Variants in FBLN7 observed in about 807,000 individuals in gnomAD.
FBLN7 encodes fibulin 7.
Under a neutral mutation model 44.0 loss-of-function variants are expected in FBLN7, and 31 were observed. The observed-to-expected ratio is 0.70, with a 90% CI of 0.53 to 0.95. The LOEUF is 0.95. Among genes scored for constraint, FBLN7 ranks in the 40% least tolerant of loss-of-function variants. FBLN7 has a pLI of 0.00. For missense variants in FBLN7, 573 were observed against 618.5 expected (o/e 0.93, Z 0.78); for synonymous variants, 262 against 253.4 (o/e 1.03, Z -0.32).
chr2:112,201,498 G>C, the FBLN7 span, among the ~76,000 whole-genome samples: 1 of 152,228 alleles, frequency 6.6e-6, no homozygotes, highest in African/African-American at 2.4e-5. Context: ...TATTTGAAAA[G>C]TCAAGGGCAT....
At chr2:112,214,613 T>TGGACGAATGGCTCTTG in the FBLN7 span, 5 of 152,182 alleles carry the variant, frequency 3.3e-5, no homozygotes, top group Non-Finnish European at 5.9e-5. Flanking sequence ...TAGAGTACTT[T>TGGACGAATGGCTCTTG]GGACGAATGG....
chr2:112,143,419 G>C (rs1302797661), intron 1 of FBLN7, among the ~76,000 whole-genome samples: 1 of 152,184 alleles, frequency 6.6e-6, no homozygotes, highest in South Asian at 2.1e-4. Context: ...TTCCCTCCCT[G>C]ACCCTCTCCC....
chr2:112,189,736 A>G (rs1245986895), downstream of FBLN7: 1 of 152,204 alleles, frequency 6.6e-6, no homozygotes, highest in African/African-American at 2.4e-5. Context: ...CAATGAACAC[A>G]TGGCCAACTT....
chr2:112,206,734 T>G, the FBLN7 span, among the ~76,000 whole-genome samples: 1 of 92,620 alleles, frequency 1.1e-5, no homozygotes, highest in Non-Finnish European at 2.3e-5. Flanking sequence ...TTATTGACTG[T>G]TTTTTTTTTT....
intron 1 of FBLN7, among the ~76,000 whole-genome samples, chr2:112,154,653 C>T (rs1295152191): frequency 1.3e-5 from 2 of 152,162 alleles, no homozygotes; most frequent in African/African-American, 2.4e-5. Context: ...CTTGAGGGTC[C>T]GGCCGGCTTC....
chr2:112,206,732 T>G, the FBLN7 span, among the ~76,000 whole-genome samples: 4 of 143,006 alleles, frequency 2.8e-5, no homozygotes, highest in African/African-American at 1.1e-4. Flanking sequence ...TCTTATTGAC[T>G]GTTTTTTTTT....
At chr2:112,232,314 C>CAAAAAAAAAAAAAAAAAAAA in the FBLN7 span, among the ~76,000 whole-genome samples, 1 of 71,624 alleles carries the variant, frequency 1.4e-5, no homozygotes, top group Non-Finnish European at 2.5e-5. Context: ...GATAATGTCT[C>CAAAAAAAAAAAAAAAAAAAA]AAAAAAAAAA....
chr2:112,177,139 T>C (rs1170395207), intron 4 of FBLN7: 1 of 152,256 alleles, frequency 6.6e-6, no homozygotes. Context: ...TTTCACCATG[T>C]TGGCCAGGCT....
chr2:112,178,009 A>G (rs1329243327), intron 4 of FBLN7: 1 of 19,186 alleles, frequency 5.2e-5, no homozygotes, highest in African/African-American at 1.6e-4. Context: ...CTAACAATAC[A>G]AAAAAAAAAA....
the FBLN7 span, among the ~76,000 whole-genome samples, chr2:112,206,051 T>C: frequency 1.3e-5 from 2 of 152,212 alleles, no homozygotes; most frequent in Non-Finnish European, 2.9e-5. Flanking sequence ...ACGTCTTCAA[T>C]AGTTACAAGG....
At position 112,182,948 on chromosome 2, in the gene FBLN7, G is replaced by A; in HGVS notation, c.808+20G>A. 2.5e-6 allele frequency: 4 copies of A among 1,609,862 alleles called. No homozygotes were observed. The highest frequency in any genetic ancestry group is 3.4e-6 in the Non-Finnish European group (4 of 1,179,318). On this transcript the variant is annotated intron_variant, in intron 6 of 7. Transcript: ENST00000331203. ...GTGAGGGTGAGTGAGGCTACAGAGT[G>A]TCGTCTGCACCCAGCCACCTGCTGC...
the FBLN7 span, among the ~76,000 whole-genome samples, chr2:112,202,337 A>G: frequency 6.6e-6 from 1 of 152,066 alleles, no homozygotes; most frequent in Non-Finnish European, 1.5e-5. Flanking sequence ...AGAAGACGAC[A>G]TGTTCAATTT....
chr2:112,174,929 G>A (rs561079462), intron 3 of FBLN7, among the ~76,000 whole-genome samples: 1 of 152,032 alleles, frequency 6.6e-6, no homozygotes, highest in South Asian at 2.1e-4. Flanking sequence ...TAAAAAAAAT[G>A]TATACATGAT....
the FBLN7 span, among the ~76,000 whole-genome samples, chr2:112,193,500 TTAAG>T: frequency 5.3e-5 from 8 of 152,206 alleles, no homozygotes; most frequent in Non-Finnish European, 8.8e-5. Context: ...CTTGCATAAT[TTAAG>T]TAATCTATAG....
At chr2:112,170,735 T>C (rs1467026581) in intron 3 of FBLN7, among the ~76,000 whole-genome samples, 1 of 152,160 alleles carries the variant, frequency 6.6e-6, no homozygotes, top group Non-Finnish European at 1.5e-5. Context: ...GTGGTGGGAT[T>C]TTAGTTCTAA....
In FBLN7 at chr2:112,183,130, C is replaced by A. The variant is rs1683086495; in HGVS notation, c.808+202C>A. Reference sequence around the variant, plus strand: ...TAAATAGGAAAATGAGTTCCTTAAACATCTTGGCAACTAGTCTTTTCCGAC... The same window carrying A: ...TAAATAGGAAAATGAGTTCCTTAAAAATCTTGGCAACTAGTCTTTTCCGAC... On this transcript the variant is annotated intron_variant, in intron 6 of 7. Coordinates refer to ENST00000331203, the MANE Select transcript of FBLN7 (RefSeq NM_153214.3). Among the ~76,000 whole-genome samples the A allele has an allele frequency of 2.0e-5, 3 of 152,250 alleles. No individual in the cohort carries two copies. In the South Asian group the frequency reaches 6.2e-4, roughly 31 times the overall value.
At chr2:112,213,639 G>A in the FBLN7 span, 1 of 151,190 alleles carries the variant, frequency 6.6e-6, no homozygotes, top group African/African-American at 2.4e-5. Flanking sequence ...AGCAGGGTGT[G>A]GTGGCATGCA....
At chr2:112,154,000 C>T (rs1484029653) in intron 1 of FBLN7, among the ~76,000 whole-genome samples, 2 of 152,184 alleles carry the variant, frequency 1.3e-5, no homozygotes, top group African/African-American at 4.8e-5. Flanking sequence ...ACCATCCATG[C>T]CACCTCTACT....
chr2:112,238,948 A>T, the FBLN7 span, among the ~76,000 whole-genome samples: 1 of 152,238 alleles, frequency 6.6e-6, no homozygotes, highest in Admixed American at 6.5e-5. Flanking sequence ...TCATTTTGTA[A>T]AACACCCCAA....
Sources: gnomAD v4.1 joint callset for allele counts (sites outside exome capture counted in the v4.1 genomes callset) on GRCh38, gnomAD v4.1.1 for gene constraint, MANE v1.5 for transcripts, NCBI Gene and HGNC (gene_info 2026-07-23, HGNC 2026-07-21) for gene names.